RANBP3: variants seen among roughly 807,000 people sequenced by gnomAD.
The protein encoded by RANBP3 is ran-binding protein 3.
A neutral mutation model predicts 77.3 loss-of-function variants in RANBP3; 14 were observed. That is an observed-to-expected ratio of 0.18 (90% CI 0.12 to 0.28). The LOEUF (loss-of-function observed/expected upper bound fraction) is 0.28, where lower values mean the gene tolerates loss of function less well. RANBP3 is among the 10% of genes least tolerant of loss of function. RANBP3 has a pLI of 1.00. For synonymous variants in RANBP3, 315 were observed against 312.4 expected, an observed-to-expected ratio of 1.01 and a Z score of -0.09; for missense variants, 586 against 752.3, an observed-to-expected ratio of 0.78 and a Z score of 2.59.
At chr19:5,933,547 G>A (rs1348206783) in intron 5 of RANBP3, 68 bp from the exon 6 acceptor site, 2 of 1,350,384 alleles carry the variant, frequency 1.5e-6, no homozygotes, top group East Asian at 2.3e-5. Context: ...GGGGGCAAGG[G>A]CAGGAGAGGA....
chr19:5,928,043 C>T lies in RANBP3; in HGVS notation c.738G>A (p.Glu246=). The T allele has an allele frequency of 6.2e-7, 1 of 1,613,994 alleles. No individual in the cohort carries two copies. The highest frequency in any genetic ancestry group is 8.5e-7 in the Non-Finnish European group (1 of 1,179,940). Residue 246 remains glutamate (E), a synonymous_variant, in exon 9 of 17, where the codon GAG becomes GAA. Transcript: ENST00000340578. ...QKNESSNASE[E]EACEKKDPAT... ...CGGGGTCTTTTTTCTCACAGGCTTC[C>T]TCTTCAGAGGCATTGCTGGACTCAT...
intron 5 of RANBP3, among the ~76,000 whole-genome samples, chr19:5,941,228 G>A (rs1331427699): frequency 6.6e-6 from 1 of 152,204 alleles, no homozygotes; most frequent in Admixed American, 6.5e-5. Flanking sequence ...GCCCGTGCTG[G>A]GCATGCAGCT....
chr19:5,937,569 C>G (rs1361563601), intron 5 of RANBP3, among the ~76,000 whole-genome samples: 4 of 152,156 alleles, frequency 2.6e-5, no homozygotes, highest in African/African-American at 4.8e-5. Flanking sequence ...TAAATGGGGT[C>G]TTCAGACAAA....
chr19:5,944,154 G>A (rs1031463247), intron 3 of RANBP3, among the ~76,000 whole-genome samples: 4 of 152,248 alleles, frequency 2.6e-5, no homozygotes, highest in African/African-American at 9.6e-5. Flanking sequence ...ACCCACACCT[G>A]ATGAGATCAA....
At chr19:5,919,327 C>T (rs971918276) in intron 14 of RANBP3, among the ~76,000 whole-genome samples, 3 of 152,244 alleles carry the variant, frequency 2.0e-5, no homozygotes, top group Non-Finnish European at 4.4e-5. Flanking sequence ...TGCCAGCCGC[C>T]TCTCCCCACT....
chr19:5,970,024 C>G (rs1352442873), intron 1 of RANBP3, among the ~76,000 whole-genome samples: 1 of 152,216 alleles, frequency 6.6e-6, no homozygotes, highest in Non-Finnish European at 1.5e-5. Context: ...CTTCATCTCC[C>G]TGGAGACACT....
At position 5,923,223 on chromosome 19, in the gene RANBP3, C is replaced by T. The variant is rs2057850242; in HGVS notation, c.1180G>A (p.Gly394Arg). ...AACACATTGCTCTCCGCCTCCTCCCCGGTGATGACTTCCACTTTTTCCAAC... is the reference window on the plus strand; with the variant it reads ...AACACATTGCTCTCCGCCTCCTCCCTGGTGATGACTTCCACTTTTTCCAAC... Reference protein sequence around the residue: ...CLLEKVEVITGEEAESNVLQM... With the variant: ...CLLEKVEVITREEAESNVLQM... Residue 394 changes from glycine to arginine, a missense_variant, in exon 13 of 17, where the codon GGG becomes AGG. Transcript: ENST00000340578. 3 of 1,614,100 alleles carry T rather than the reference C, an allele frequency of 1.9e-6. No homozygotes were observed. The highest frequency in any genetic ancestry group is 1.3e-5 in the African/African-American group (1 of 74,938).
At chr19:5,918,454 G>A in intron 15 of RANBP3, 42 bp downstream of exon 15, 1 of 1,554,108 alleles carries the variant, frequency 6.4e-7, no homozygotes, top group Non-Finnish European at 8.7e-7. Context: ...CACAGGGCTG[G>A]CAGGATGAGG....
chr19:5,953,276 G>A (rs375069296), intron 2 of RANBP3, among the ~76,000 whole-genome samples: 1 of 152,144 alleles, frequency 6.6e-6, no homozygotes, highest in Non-Finnish European at 1.5e-5. Flanking sequence ...GGCAGGAATC[G>A]TAAGCTCTAA....
chr19:5,977,992 T>C (rs981189671), intron 1 of RANBP3, 69 bp downstream of exon 1: 72 of 1,594,102 alleles, frequency 4.5e-5, no homozygotes, highest in Middle Eastern at 1.7e-4. Context: ...CCCCAAGGGC[T>C]TGTGGCCCCT....
In RANBP3 at chr19:5,951,383, G is replaced by A; in HGVS notation, c.282+10C>T. ...TGGGCGGTAGGAGTGCCGGGTAGGT[G>A]TGGACTTACCCCTGCCAGTTCTCGC... On this transcript the variant is annotated intron_variant, in intron 3 of 16. Transcript: ENST00000340578. 1 of 1,550,230 alleles carries A rather than the reference G, an allele frequency of 6.5e-7. No individual in the cohort carries two copies. The highest frequency in any genetic ancestry group is 8.7e-7 in the Non-Finnish European group (1 of 1,146,374).
chr19:5,924,212 A>G lies in RANBP3; in HGVS notation c.997-298T>C, dbSNP rs1183090076. ...CACAGCGTGGCCACGAAGGAAGAGAAGCTGCAGAGTACTTAATGCAGCCTA... is the reference window on the plus strand; with the variant it reads ...CACAGCGTGGCCACGAAGGAAGAGAGGCTGCAGAGTACTTAATGCAGCCTA... On this transcript the variant is annotated intron_variant, in intron 11 of 16. Transcript: ENST00000340578. The surrounding 1 kb of genome is among the most constrained non-coding windows in gnomAD (Gnocchi z 4.7). Among the ~76,000 whole-genome samples, 2 of 152,280 alleles carry G rather than the reference A, an allele frequency of 1.3e-5. No individual in the cohort carries two copies. Among genetic ancestry groups the G allele is most frequent in the Non-Finnish European group, 2.9e-5 (2 of 68,054 alleles).
rs544313410 is a variant in RANBP3 at position 5,924,372 on chromosome 19, G to C, written c.996+455C>G. Among the ~76,000 whole-genome samples, 1 of 152,354 alleles carries C rather than the reference G, an allele frequency of 6.6e-6. No homozygotes were observed. Among genetic ancestry groups the C allele is most frequent in the African/African-American group, 2.4e-5 (1 of 41,588 alleles). ...AAACCATTCTAGAACCCTCTCCCAG[G>C]CTGGCTGGGCTCCTGGGAACGGAGA... On this transcript the variant is annotated intron_variant, in intron 11 of 16. Coordinates refer to ENST00000340578, the MANE Select transcript of RANBP3 (RefSeq NM_007322.3). This position sits in a 1 kb window ranked among gnomAD's most constrained non-coding sequence, Gnocchi z 4.7.
rs555212645 is a variant in RANBP3, at chr19:5,917,512, C to T, written c.*98G>A. The T allele has an allele frequency of 5.2e-5, 72 of 1,379,930 alleles. No homozygotes were observed. The highest frequency in any genetic ancestry group is 2.6e-4 in the Middle Eastern group (1 of 3,900). The allele number at this position is 1,379,930 out of a possible 1,614,324, so 85.5% of individuals were successfully genotyped here. ...CCGGCCCAGTGGGGTGTGTGGTTCCCGGCCCCGCACCTGGACGCTGCCGGT... is the reference window on the plus strand; with the variant it reads ...CCGGCCCAGTGGGGTGTGTGGTTCCTGGCCCCGCACCTGGACGCTGCCGGT... On this transcript the variant is annotated 3_prime_UTR_variant, in exon 17 of 17. Transcript: ENST00000340578.
At chr19:5,939,604 C>T (rs957180243) in intron 5 of RANBP3, among the ~76,000 whole-genome samples, 4 of 151,922 alleles carry the variant, frequency 2.6e-5, no homozygotes, top group Non-Finnish European at 4.4e-5. Context: ...GAGGTGCAGG[C>T]GGGGGAGGGA....
At chr19:5,918,058 G>C in intron 15 of RANBP3, 78 bp from the exon 16 acceptor site, 3 of 1,453,582 alleles carry the variant, frequency 2.1e-6, no homozygotes, top group Non-Finnish European at 2.8e-6. Context: ...CAAGTGCCAA[G>C]TCCCAAGGTT....
At chr19:5,922,322 G>C (rs529407752) in intron 13 of RANBP3, among the ~76,000 whole-genome samples, 14 of 152,286 alleles carry the variant, frequency 9.2e-5, no homozygotes, top group African/African-American at 3.4e-4. Flanking sequence ...CTTTCAACAT[G>C]AACAGATGAC....
intron 8 of RANBP3, among the ~76,000 whole-genome samples, chr19:5,930,462 C>T (rs2057973907): frequency 6.6e-6 from 1 of 152,236 alleles, no homozygotes; most frequent in African/African-American, 2.4e-5. Flanking sequence ...TCAAACCCAT[C>T]TCTGCCAACT....
intron 3 of RANBP3, among the ~76,000 whole-genome samples, chr19:5,944,725 G>A (rs1016292009): frequency 4.6e-5 from 7 of 152,190 alleles, no homozygotes; most frequent in African/African-American, 1.7e-4. Context: ...CTCGGACACC[G>A]CACTGCTCGC....
Sources: allele counts gnomAD v4.1 joint callset (sites outside exome capture counted in the v4.1 genomes callset), GRCh38; gene constraint gnomAD v4.1.1; non-coding constraint Gnocchi (gnomAD v3.1); transcripts MANE v1.5; gene names NCBI Gene and HGNC (gene_info 2026-07-23, HGNC 2026-07-21).